FLT4: variants seen among roughly 807,000 people sequenced by gnomAD.
The protein encoded by FLT4 is vascular endothelial growth factor receptor 3.
In FLT4, 30 loss-of-function variants were observed where a neutral mutation model predicts 163.2. That is an observed-to-expected ratio of 0.18 (90% CI 0.14 to 0.25). FLT4 has a LOEUF of 0.25. FLT4 is among the 10% of genes least tolerant of loss of function. The probability of loss-of-function intolerance (pLI) is 1.00; values close to 1 mark genes in which losing one functional copy is unlikely to be tolerated. For synonymous variants in FLT4, 884 were observed against 789.5 expected (o/e 1.12, Z -2.01); for missense variants, 1,510 against 1,863.8 (o/e 0.81, Z 3.50).
intron 1 of FLT4, among the ~76,000 whole-genome samples, chr5:180,647,908 G>A (rs1312352949): frequency 1.3e-5 from 2 of 152,140 alleles, no homozygotes; most frequent in East Asian, 1.9e-4. Context: ...GGGAGCACCA[G>A]GACACTGGCC....
chr5:180,610,091 C>T, intron 27 of FLT4, 66 bp from the exon 28 acceptor site: 5 of 1,609,344 alleles, frequency 3.1e-6, no homozygotes, highest in Non-Finnish European at 4.2e-6. Context: ...CTTCTCTCCA[C>T]TGTCCCTGTG....
intron 1 of FLT4, among the ~76,000 whole-genome samples, chr5:180,640,069 C>T (rs981929671): frequency 1.3e-5 from 2 of 152,210 alleles, no homozygotes; most frequent in East Asian, 3.9e-4. Context: ...GGGGCCTTGG[C>T]GTCAGCCACA....
intron 10 of FLT4, among the ~76,000 whole-genome samples, chr5:180,624,516 C>T (rs544312759): frequency 6.6e-6 from 1 of 152,322 alleles, no homozygotes; most frequent in African/African-American, 2.4e-5. Context: ...GCGTGAGCCA[C>T]CGAGCCCGGC....
intron 1 of FLT4, among the ~76,000 whole-genome samples, chr5:180,641,266 T>G (rs1581709193): frequency 6.6e-6 from 1 of 151,964 alleles, no homozygotes; most frequent in Non-Finnish European, 1.5e-5. Context: ...TGGGCCGGGG[T>G]GTCATCAGCC....
chr5:180,640,493 T>C (rs1325768274), intron 1 of FLT4, among the ~76,000 whole-genome samples: 2 of 152,184 alleles, frequency 1.3e-5, no homozygotes, highest in East Asian at 1.9e-4. Flanking sequence ...AAGGCCCACG[T>C]AGGAGGCACA....
At chr5:180,644,671 G>A (rs1411280642) in intron 1 of FLT4, among the ~76,000 whole-genome samples, 1 of 152,352 alleles carries the variant, frequency 6.6e-6, no homozygotes, top group East Asian at 1.9e-4. Context: ...AAACCTGTAC[G>A]TGCCCTGCTG....
rs559748230 is a variant in FLT4 at position 180,611,020 on chromosome 5, G to C, written c.3686+311C>G. ...TGCGGTGAGCCGAGATCGCGCCACT[G>C]CACTCCAGCCTGGGCGACAGAGCGA... is the stretch of plus-strand genomic sequence containing the variant. On this transcript the variant is annotated intron_variant, in intron 27 of 29. Transcript: ENST00000261937. Among the ~76,000 whole-genome samples the C allele has an allele frequency of 1.2e-4, 19 of 152,308 alleles. No homozygotes were observed. The South Asian group carries it at 3.1e-3, about 25-fold the overall frequency.
intron 2 of FLT4, among the ~76,000 whole-genome samples, chr5:180,631,430 A>C (rs112500003): frequency 5.3e-5 from 8 of 151,822 alleles, no homozygotes; most frequent in East Asian, 3.9e-4. Context: ...CCGAGATCGC[A>C]CCACTGCACT....
Position 180,618,846 on chromosome 5 carries a change from C to T in FLT4, c.2925G>A (p.Gly975=). The change falls in exon 21 of 30, where the codon GGG becomes GGA. Residue 975 remains glycine (G), a synonymous_variant. Transcript: ENST00000261937. The part of the protein sequence containing the change: ...ELARLDRRRP[G]SSDRVLFARF... ...GCGCGAAGAGGACCCTGTCGCTGCT[C>T]CCCGGCCGCCTCCGATCCAGCCTGG... is the stretch of plus-strand genomic sequence containing the variant. 3.8e-6 allele frequency: 6 copies of T among 1,580,630 alleles called. No individual in the cohort carries two copies. Among genetic ancestry groups the T allele is most frequent in the Non-Finnish European group, 5.2e-6 (6 of 1,164,030 alleles).
chr5:180,637,506 T>C (rs1764779829), intron 1 of FLT4, among the ~76,000 whole-genome samples: 3 of 152,132 alleles, frequency 2.0e-5, no homozygotes, highest in South Asian at 2.1e-4. Context: ...TCACCAGTCT[T>C]TGCTATGCAA....
chr5:180,610,633 C>T (rs1395111072), intron 27 of FLT4, among the ~76,000 whole-genome samples: 1 of 152,212 alleles, frequency 6.6e-6, no homozygotes, highest in African/African-American at 2.4e-5. Flanking sequence ...GCCCACGCCT[C>T]ATAGTTGGAG....
At chr5:180,647,879 G>A (rs767086757) in intron 1 of FLT4, among the ~76,000 whole-genome samples, 6 of 151,992 alleles carry the variant, frequency 3.9e-5, no homozygotes, top group Admixed American at 6.6e-5. Context: ...TTCACCCCAC[G>A]TCCCTCTGTG....
chr5:180,612,688 G>T, intron 25 of FLT4, 77 bp from the exon 26 acceptor site: 1 of 1,063,734 alleles, frequency 9.4e-7, no homozygotes, highest in South Asian at 1.3e-5. Flanking sequence ...AGCCTTCCTG[G>T]GCCCTCTCAC....
At position 180,645,623 on chromosome 5, in the gene FLT4, CCGTGGGCTAGGGTGGTGCG is replaced by C. The variant is rs1196571651; in HGVS notation, c.58+3846_58+3864del. On this transcript the variant is annotated intron_variant, in intron 1 of 29. Transcript: ENST00000261937. ...ACCACCTGGATCTACCCAGGCCTGGCCGTGGGCTAGGGTGGTGCGGGCCTCAGACAGGGCCGGGGGTGTG... is the reference window on the plus strand; with the variant it reads ...ACCACCTGGATCTACCCAGGCCTGGCGGCCTCAGACAGGGCCGGGGGTGTG... Among the ~76,000 whole-genome samples, 35 of 152,310 alleles carry C rather than the reference CCGTGGGCTAGGGTGGTGCG, an allele frequency of 2.3e-4. No individual in the cohort carries two copies. In the South Asian group the frequency reaches 6.6e-3, roughly 29 times the overall value.
In FLT4 at chr5:180,630,613, C is replaced by T. The variant is rs752755078; in HGVS notation, c.342G>A (p.Lys114=). Residue 114 remains lysine, a synonymous_variant, in exon 3 of 30, where the codon AAG becomes AAA. Transcript: ENST00000261937. The surrounding 1 kb of genome is among the most constrained non-coding windows in gnomAD (Gnocchi z 6.3). ...TGCCCTCGATGCGTGCCTTGATGTA[C>T]TTGTAGTAGCAGACGTAGCTGCCTG... ...NDTGSYVCYY[K]YIKARIEGTT... 1.2e-6 allele frequency: 2 copies of T among 1,613,114 alleles called. No homozygotes were observed. The highest frequency in any genetic ancestry group is 1.7e-5 in the Admixed American group (1 of 60,026).
rs766960409 is a variant in FLT4 at position 180,610,000 on chromosome 5, C to T, written c.3712G>A (p.Gly1238Arg). 5.0e-5 allele frequency: 80 copies of T among 1,614,042 alleles called. No homozygotes were observed. The highest frequency in any genetic ancestry group is 3.3e-4 in the Middle Eastern group (2 of 6,084). ...GTCTCAGCCCCTCTGGCCAGGCACC[C>T]GGGAAAGGACACCCAGTTGTAATAC... is the stretch of plus-strand genomic sequence containing the variant. ...ARYYNWVSFP[G>R]CLARGAETRG... Residue 1238 changes from glycine (G) to arginine (R), a missense_variant, in exon 28 of 30, where the codon GGG (glycine) becomes AGG (arginine). Gly to Arg is a moderately radical substitution (Grantham distance 125, BLOSUM62 -2). This residue lies in a region of FLT4 where 295 missense variants were observed against 311.0 expected (regional missense o/e 0.95). Transcript: ENST00000261937.
In FLT4 at chr5:180,630,751, T is replaced by G. The variant is rs1249442226; in HGVS notation, c.204A>C (p.Pro68=). 1.2e-6 allele frequency: 2 copies of G among 1,609,322 alleles called. No individual in the cohort carries two copies. The highest frequency in any genetic ancestry group is 8.5e-7 in the Non-Finnish European group (1 of 1,179,776). ...CCTCGCTGTCCTTGTCTCCGGTGGC[T>G]GGCGCCTCCTGAGCTCCTGGCCAAG... is the stretch of plus-strand genomic sequence containing the variant. ...EWAWPGAQEA[P]ATGDKDSEDT... The change falls in exon 3 of 30, where the codon CCA becomes CCC. Residue 68 remains proline, a synonymous_variant. Transcript: ENST00000261937. The surrounding 1 kb of genome is among the most constrained non-coding windows in gnomAD (Gnocchi z 6.3).
intron 29 of FLT4, among the ~76,000 whole-genome samples, chr5:180,606,919 A>C (rs1018705637): frequency 3.4e-5 from 5 of 147,952 alleles, no homozygotes; most frequent in Non-Finnish European, 7.4e-5. Flanking sequence ...AAAAAAACAA[A>C]CAAACAAACT....
In FLT4 at chr5:180,602,596, G is replaced by A; in HGVS notation, c.*596C>T. ...CAGCGTATAATACTGTCATACTGGT[G>A]GCCACCCCAGGGGCTAGTTGGCTGT... On this transcript the variant is annotated 3_prime_UTR_variant, in exon 30 of 30. Coordinates refer to ENST00000261937, the MANE Select transcript of FLT4 (RefSeq NM_182925.5). 1 of 404,418 alleles carries A rather than the reference G, an allele frequency of 2.5e-6. No homozygotes were observed. The allele number at this position is 404,418 out of a possible 1,614,324, so 25.1% of individuals were successfully genotyped here.
Sources: allele counts gnomAD v4.1 joint callset (sites outside exome capture counted in the v4.1 genomes callset), GRCh38; gene constraint gnomAD v4.1.1; regional missense constraint gnomAD v4.1.1; non-coding constraint Gnocchi (gnomAD v3.1); transcripts MANE v1.5; gene names NCBI Gene and HGNC (gene_info 2026-07-23, HGNC 2026-07-21).